RBMS3: variants seen among roughly 807,000 people sequenced by gnomAD.
The protein encoded by RBMS3 is RNA binding motif single stranded interacting protein 3.
In RBMS3, 27 loss-of-function variants were observed where a neutral mutation model predicts 66.8. That is an observed-to-expected ratio of 0.40 (90% CI 0.30 to 0.56). RBMS3 has a LOEUF of 0.56. Among genes scored for constraint, RBMS3 ranks in the 20% least tolerant of loss-of-function variants. The pLI is 0.40. For synonymous variants in RBMS3, 188 were observed against 183.0 expected (o/e 1.03, Z -0.22); for missense variants, 513 against 549.5 (o/e 0.93, Z 0.66).
chr3:29,889,901 T>C (rs2059959559), intron 8 of RBMS3, among the ~76,000 whole-genome samples: 1 of 151,574 alleles, frequency 6.6e-6, no homozygotes, highest in South Asian at 2.1e-4. Flanking sequence ...TCTGTCCCCA[T>C]GTAACATCTT....
intron 4 of RBMS3, among the ~76,000 whole-genome samples, chr3:29,595,735 G>A (rs561382284): frequency 1.3e-5 from 2 of 152,204 alleles, no homozygotes; most frequent in Non-Finnish European, 2.9e-5. Flanking sequence ...TTGTATGACT[G>A]CTGGTGTTAC....
intron 14 of RBMS3, among the ~76,000 whole-genome samples, chr3:30,000,692 TG>T (rs1274155627): frequency 6.6e-6 from 1 of 152,158 alleles, no homozygotes; most frequent in Admixed American, 6.5e-5. Context: ...ATATACACCA[TG>T]GAATACCATG....
chr3:29,572,221 C>T (rs778768386), intron 3 of RBMS3, among the ~76,000 whole-genome samples: 8 of 151,572 alleles, frequency 5.3e-5, no homozygotes, highest in Admixed American at 1.3e-4. Flanking sequence ...CATCTGCAAA[C>T]GAGGATAATT....
At chr3:29,346,080 G>A (rs74588174) in intron 1 of RBMS3, among the ~76,000 whole-genome samples, 7 of 152,170 alleles carry the variant, frequency 4.6e-5, no homozygotes, top group Non-Finnish European at 7.3e-5. Context: ...GGGCATAGGC[G>A]TGCAGCCACG....
At chr3:29,534,948 G>GA (rs71628527) in intron 3 of RBMS3, among the ~76,000 whole-genome samples, 7,622 of 145,542 alleles carry the variant, frequency 0.052, 207 homozygotes, top group South Asian at 0.11. Flanking sequence ...ATTGAGAAAA[G>GA]AAAAAAAAAA....
At chr3:29,697,106 A>G in intron 4 of RBMS3, 1 of 985,368 alleles carries the variant, frequency 1.0e-6, no homozygotes, top group Non-Finnish European at 1.2e-6. Context: ...GGTAATATAA[A>G]CAGGCACAAA....
chr3:29,517,349 G>A (rs2044683014), intron 3 of RBMS3, among the ~76,000 whole-genome samples: 1 of 147,756 alleles, frequency 6.8e-6, no homozygotes, highest in African/African-American at 2.5e-5. Flanking sequence ...TTGAAACAGA[G>A]TCTCGCTCTG....
intron 4 of RBMS3, among the ~76,000 whole-genome samples, chr3:29,737,151 A>G (rs2054418489): frequency 6.6e-6 from 1 of 151,882 alleles, no homozygotes; most frequent in Non-Finnish European, 1.5e-5. Flanking sequence ...AACTTTTTGT[A>G]TTTTTAGTAG....
intron 6 of RBMS3, among the ~76,000 whole-genome samples, chr3:29,857,697 A>G (rs1396780144): frequency 2.0e-5 from 3 of 152,048 alleles, no homozygotes. Context: ...TATTACCCTC[A>G]GCCACTCTGC....
At chr3:29,679,817 A>T (rs922536424) in intron 4 of RBMS3, among the ~76,000 whole-genome samples, 9 of 151,110 alleles carry the variant, frequency 6.0e-5, no homozygotes, top group Middle Eastern at 3.5e-3. Context: ...TACTGCTAAA[A>T]CATATTGACT....
At chr3:29,523,064 T>C (rs1228282689) in intron 3 of RBMS3, among the ~76,000 whole-genome samples, 8 of 152,222 alleles carry the variant, frequency 5.3e-5, no homozygotes, top group African/African-American at 1.9e-4. Flanking sequence ...ACAAAAACTA[T>C]TATCTCAATA....
intron 3 of RBMS3, among the ~76,000 whole-genome samples, chr3:29,579,635 A>G (rs2047255027): frequency 6.6e-6 from 1 of 152,212 alleles, no homozygotes; most frequent in South Asian, 2.1e-4. Flanking sequence ...TGCAGTCACC[A>G]TTACACACTT....
intron 1 of RBMS3, among the ~76,000 whole-genome samples, chr3:29,370,223 T>C (rs968847038): frequency 5.9e-5 from 9 of 152,326 alleles, no homozygotes; most frequent in African/African-American, 2.2e-4. Flanking sequence ...ATGATGTCAT[T>C]ATGTCATTTA....
intron 10 of RBMS3, among the ~76,000 whole-genome samples, chr3:29,907,547 A>T (rs895283666): frequency 1.3e-5 from 2 of 151,984 alleles, no homozygotes; most frequent in African/African-American, 4.8e-5. Flanking sequence ...TTGTATCATA[A>T]TTTTTAATAT....
intron 1 of RBMS3, among the ~76,000 whole-genome samples, chr3:29,289,440 T>C (rs2125420670): frequency 6.6e-6 from 1 of 152,040 alleles, no homozygotes; most frequent in East Asian, 1.9e-4. Context: ...CACCACTTAA[T>C]CATTGAAAAT....
At chr3:29,909,845 C>A (rs1333485572) in intron 10 of RBMS3, among the ~76,000 whole-genome samples, 2 of 152,046 alleles carry the variant, frequency 1.3e-5, no homozygotes, top group Non-Finnish European at 2.9e-5. Flanking sequence ...ATTTTACTAA[C>A]AACCTTTAAA....
At chr3:29,650,247 T>G (rs979651603) in intron 4 of RBMS3, among the ~76,000 whole-genome samples, 1 of 151,804 alleles carries the variant, frequency 6.6e-6, no homozygotes, top group African/African-American at 2.4e-5. Flanking sequence ...GGCAATCTTT[T>G]AAACCCAAAT....
intron 1 of RBMS3, among the ~76,000 whole-genome samples, chr3:29,386,904 T>C (rs1047944576): frequency 2.0e-5 from 3 of 152,196 alleles, no homozygotes; most frequent in Non-Finnish European, 4.4e-5. Flanking sequence ...AATGGACCAT[T>C]CCCATTTTTC....
At chr3:29,428,063 A>T (rs921382019) in intron 1 of RBMS3, among the ~76,000 whole-genome samples, 1 of 152,158 alleles carries the variant, frequency 6.6e-6, no homozygotes, top group Non-Finnish European at 1.5e-5. Context: ...GGTGAATGCC[A>T]TGCGAAGTTG....
Sources: gnomAD v4.1 joint callset for allele counts (sites outside exome capture counted in the v4.1 genomes callset) on GRCh38, gnomAD v4.1.1 for gene constraint, MANE v1.5 for transcripts, NCBI Gene and HGNC (gene_info 2026-07-23, HGNC 2026-07-21) for gene names.